The following GPCPD1 variants were observed in gnomAD, a reference collection of about 807,000 sequenced individuals.
The protein encoded by GPCPD1 is glycerophosphocholine phosphodiesterase 1, also known as glycerophosphocholine phosphodiesterase GPCPD1.
Under a neutral mutation model 89.2 loss-of-function variants are expected in GPCPD1, and 29 were observed. The ratio of observed to expected loss-of-function variants is 0.33; its 90% CI spans 0.24 to 0.44. The LOEUF is 0.44. Ranked by LOEUF, GPCPD1 falls within the 20% of genes least tolerant of loss-of-function variation. The pLI is 1.00. For synonymous variants in GPCPD1, 258 were observed against 266.3 expected (o/e 0.97, Z 0.30); for missense variants, 594 against 808.9 (o/e 0.73, Z 3.22).
chr20:5,585,726 T>C (rs184793303), intron 5 of GPCPD1: 1 of 151,944 alleles, frequency 6.6e-6, no homozygotes, highest in Non-Finnish European at 1.5e-5. Flanking sequence ...TTCAAGTATT[T>C]ACCAATTTCT....
At position 5,547,865 on chromosome 20, in the gene GPCPD1, A is replaced by C; in HGVS notation, c.1830-15T>G. 1 of 1,441,598 alleles carries C rather than the reference A, an allele frequency of 6.9e-7. No individual in the cohort carries two copies. The highest frequency in any genetic ancestry group is 1.4e-5 in the African/African-American group (1 of 71,684). 89.3% of individuals were successfully genotyped at this position (1,441,598 alleles called of 1,614,324 possible). ...AATCATATATCCTATGATGAAACAAATACAAAACACATAAAATACTGTAAT... is the reference window on the plus strand; with the variant it reads ...AATCATATATCCTATGATGAAACAACTACAAAACACATAAAATACTGTAAT... On this transcript the variant is annotated splice_polypyrimidine_tract_variant and intron_variant, in intron 19 of 19. Transcript: ENST00000379019.
chr20:5,556,354 T>C (rs1316303885), intron 19 of GPCPD1, among the ~76,000 whole-genome samples: 1 of 152,122 alleles, frequency 6.6e-6, no homozygotes, highest in Non-Finnish European at 1.5e-5. Flanking sequence ...TACAGGCATG[T>C]GCCACCACAC....
chr20:5,553,668 G>C (rs1036013246), intron 19 of GPCPD1, among the ~76,000 whole-genome samples: 2 of 152,154 alleles, frequency 1.3e-5, no homozygotes, highest in African/African-American at 4.8e-5. Flanking sequence ...TGCTGATAAG[G>C]AGAAAGTTTT....
At chr20:5,585,307 G>C (rs1835654612) in intron 5 of GPCPD1, 1 of 152,060 alleles carries the variant, frequency 6.6e-6, no homozygotes, top group South Asian at 2.1e-4. Flanking sequence ...AGGATGGAAT[G>C]AGATACTGTT....
At chr20:5,581,814 CTTTTTTT>C (rs11479995) in intron 6 of GPCPD1, among the ~76,000 whole-genome samples, 32 of 75,020 alleles carry the variant, frequency 4.3e-4, no homozygotes, top group African/African-American at 1.6e-3. Context: ...GGGACTTTAA[CTTTTTTT>C]TTTTTTTTTT....
At chr20:5,580,370 T>C (rs1348525905) in intron 6 of GPCPD1, among the ~76,000 whole-genome samples, 1 of 152,164 alleles carries the variant, frequency 6.6e-6, no homozygotes, top group Non-Finnish European at 1.5e-5. Flanking sequence ...AAACAATCCT[T>C]TCAGCAAATA....
intron 1 of GPCPD1, among the ~76,000 whole-genome samples, chr20:5,610,525 G>C (rs2122846768): frequency 6.6e-6 from 1 of 152,186 alleles, no homozygotes; most frequent in East Asian, 1.9e-4. Context: ...CATATTTGCG[G>C]TAGTCCTATG....
chr20:5,566,816 G>C (rs944081322), intron 13 of GPCPD1, 44 bp from the exon 14 acceptor site: 2 of 1,273,982 alleles, frequency 1.6e-6, no homozygotes, highest in African/African-American at 2.9e-5. Flanking sequence ...GGAAGCCTTA[G>C]CTTATGAAGA....
intron 4 of GPCPD1, among the ~76,000 whole-genome samples, chr20:5,588,368 G>T (rs1452033957): frequency 6.6e-6 from 1 of 151,704 alleles, no homozygotes; most frequent in Non-Finnish European, 1.5e-5. Flanking sequence ...AGCTAGGTGT[G>T]GTGGCACACA....
chr20:5,587,420 G>C (rs1347369505), intron 4 of GPCPD1, among the ~76,000 whole-genome samples: 1 of 151,272 alleles, frequency 6.6e-6, no homozygotes, highest in Non-Finnish European at 1.5e-5. Context: ...CCAGGCTAAA[G>C]TGCAATGGCA....
chr20:5,597,459 A>AC (rs1979811408), intron 3 of GPCPD1, among the ~76,000 whole-genome samples: 1 of 152,212 alleles, frequency 6.6e-6, no homozygotes, highest in Non-Finnish European at 1.5e-5. Context: ...AAACTGCTAT[A>AC]CACATTTCTA....
chr20:5,583,073 A>G, intron 6 of GPCPD1, among the ~76,000 whole-genome samples: 1 of 151,816 alleles, frequency 6.6e-6, no homozygotes. Context: ...CGTCTCTACT[A>G]AAAATACAAA....
At position 5,565,126 on chromosome 20, in the gene GPCPD1, C is replaced by T. The variant is rs762035617; in HGVS notation, c.1268-48G>A. The T allele has an allele frequency of 1.2e-5, 11 of 914,886 alleles. No homozygotes were observed. In the Admixed American group the frequency reaches 1.6e-4, roughly 13 times the overall value. The allele number at this position is 914,886 out of a possible 1,614,324, so 56.7% of individuals were successfully genotyped here. A position where few individuals can be genotyped will look rare whatever the true frequency, so the allele number is the denominator to read the frequency against. On this transcript the variant is annotated intron_variant, in intron 14 of 19. Coordinates refer to ENST00000379019, the MANE Select transcript of GPCPD1 (RefSeq NM_019593.5). The stretch of plus-strand genomic sequence containing the variant: ...CTCAGTAAATAAAATGCCACTATAT[C>T]ACTAAGAGCTTTCTTAAATCCTTAG...
intron 19 of GPCPD1, among the ~76,000 whole-genome samples, chr20:5,557,689 G>A (rs1985852546): frequency 6.6e-6 from 1 of 152,122 alleles, no homozygotes; most frequent in South Asian, 2.1e-4. Flanking sequence ...AGGTCTAAGG[G>A]CTGGCAGTCA....
intron 19 of GPCPD1, among the ~76,000 whole-genome samples, chr20:5,552,383 C>T (rs1337126963): frequency 1.3e-5 from 2 of 152,136 alleles, no homozygotes; most frequent in African/African-American, 4.8e-5. Flanking sequence ...TTTAAAGCTC[C>T]AAGCCAGGAA....
intron 3 of GPCPD1, 38 bp downstream of exon 3, chr20:5,598,687 G>T: frequency 8.5e-7 from 1 of 1,179,218 alleles, no homozygotes; most frequent in Non-Finnish European, 1.3e-6. Context: ...TAAGGTTAAT[G>T]TCACAGTTAT....
intron 15 of GPCPD1, among the ~76,000 whole-genome samples, chr20:5,563,727 T>C (rs916517554): frequency 6.6e-6 from 1 of 152,220 alleles, no homozygotes; most frequent in Non-Finnish European, 1.5e-5. Context: ...GGCTCTCTTT[T>C]AGCATCCTTT....
At chr20:5,580,791 T>G (rs1013465970) in intron 6 of GPCPD1, among the ~76,000 whole-genome samples, 1 of 151,440 alleles carries the variant, frequency 6.6e-6, no homozygotes, top group African/African-American at 2.4e-5. Context: ...ACAGGCAGAT[T>G]TAGAATACAT....
intron 4 of GPCPD1, among the ~76,000 whole-genome samples, chr20:5,586,494 G>T (rs1320112270): frequency 2.6e-5 from 4 of 152,116 alleles, no homozygotes; most frequent in Non-Finnish European, 2.9e-5. Flanking sequence ...AAAATGAGAT[G>T]AACTGGCACA....
Sources: allele counts gnomAD v4.1 joint callset (sites outside exome capture counted in the v4.1 genomes callset), GRCh38; gene constraint gnomAD v4.1.1; transcripts MANE v1.5; gene names NCBI Gene and HGNC (gene_info 2026-07-23, HGNC 2026-07-21).